The following NEB variants were observed in gnomAD, a reference collection of about 807,000 sequenced individuals.
NEB encodes the protein nebulin.
A neutral mutation model predicts 952.2 loss-of-function variants in NEB; 512 were observed. The ratio of observed to expected loss-of-function variants is 0.54; its 90% CI spans 0.50 to 0.58. The LOEUF (loss-of-function observed/expected upper bound fraction) is 0.58. Ranked by LOEUF, NEB falls within the 20% of genes least tolerant of loss-of-function variation. The pLI is 0.00. For synonymous variants in NEB, 2,900 were observed against 3,149.8 expected (o/e 0.92, Z 2.66); for missense variants, 8,428 against 9,231.1 (o/e 0.91, Z 3.56).
chr2:151,636,140 T>C, intron 64 of NEB, 87 bp downstream of exon 64: 2 of 1,123,730 alleles, frequency 1.8e-6, no homozygotes, highest in South Asian at 1.4e-5. Context: ...TTTTCAAAGG[T>C]CCAGGAAAAG....
At chr2:151,523,927 A>C (rs1252328271) in intron 153 of NEB, among the ~76,000 whole-genome samples, 2 of 152,224 alleles carry the variant, frequency 1.3e-5, no homozygotes, top group Non-Finnish European at 2.9e-5. Context: ...GGATTCTAGA[A>C]GTTAGAATTT....
chr2:151,727,447 T>G (rs188444022), intron 5 of NEB, among the ~76,000 whole-genome samples: 31 of 152,346 alleles, frequency 2.0e-4, no homozygotes, highest in African/African-American at 7.0e-4. Flanking sequence ...AAATGCTTTA[T>G]GATTGGCCTT....
rs2099156541 is a variant in NEB at position 151,662,165 on chromosome 2, C to A, written c.5940G>T (p.Leu1980Phe). 6.2e-7 allele frequency: 1 copy of A among 1,613,204 alleles called. No individual in the cohort carries two copies. The highest frequency in any genetic ancestry group is 8.5e-7 in the Non-Finnish European group (1 of 1,179,446). Reference sequence around the variant, plus strand: ...TCATAATTTTTGCATTATTCTGGGCCAAAACCATGTTCATCGAGTCCATGA... The same window carrying A: ...TCATAATTTTTGCATTATTCTGGGCAAAAACCATGTTCATCGAGTCCATGA... ...STLMDSMNMV[L>F]AQNNAKIMNE... Residue 1980 changes from leucine to phenylalanine, a missense_variant, in exon 46 of 182, where the codon TTG becomes TTT. Leu to Phe is a conservative substitution (Grantham distance 22). Transcript: ENST00000397345.
chr2:151,514,994 C>G, intron 157 of NEB, 66 bp from the exon 158 acceptor site: 1 of 1,006,502 alleles, frequency 9.9e-7, no homozygotes, highest in Non-Finnish European at 1.5e-6. Flanking sequence ...CTCTCCATCT[C>G]AGGAAGAAAA....
At chr2:151,702,514 G>A (rs1456355868) in intron 13 of NEB, among the ~76,000 whole-genome samples, 1 of 151,888 alleles carries the variant, frequency 6.6e-6, no homozygotes, top group African/African-American at 2.4e-5. Context: ...TCTCTTTGTA[G>A]GTCACTCAGG....
chr2:151,553,926 T>C lies in NEB; in HGVS notation c.19528A>G (p.Ser6510Gly). The C allele has an allele frequency of 6.2e-7, 1 of 1,613,926 alleles. No homozygotes were observed. Among genetic ancestry groups the C allele is most frequent in the Non-Finnish European group, 8.5e-7 (1 of 1,179,812 alleles). ...VTAKDSQKKVSEIDYRLRLHE... is the reference protein window; with the variant it reads ...VTAKDSQKKVGEIDYRLRLHE... ...AGGCGCAGGCGGTAATCAATCTCAC[T>C]GACTTTCTTCTGGGAATCCTTGGCA... The change falls in exon 126 of 182, where the codon AGT becomes GGT. Residue 6510 changes from serine (S) to glycine (G), a missense_variant. Around this residue, in one of 11 missense-constraint regions of NEB, gnomAD observed 3,374 missense variants for 3,651.5 expected, o/e 0.92. Transcript: ENST00000397345.
chr2:151,689,485 A>G (rs777008998), intron 24 of NEB: 4 of 152,322 alleles, frequency 2.6e-5, no homozygotes, highest in Non-Finnish European at 5.9e-5. Context: ...GATCACAGGC[A>G]TGAGCCACTG....
Position 151,537,869 on chromosome 2 carries a change from C to T in NEB, c.21102+3G>A. 3.8e-6 allele frequency: 6 copies of T among 1,579,304 alleles called. No individual in the cohort carries two copies. The highest frequency in any genetic ancestry group is 5.2e-6 in the Non-Finnish European group (6 of 1,160,282). On this transcript the variant is annotated splice_donor_region_variant and intron_variant, in intron 140 of 181. Coordinates refer to ENST00000397345, the MANE Select transcript of NEB (RefSeq NM_001164508.2). ...TGTGAAAATAGAAGATGTCAACACT[C>T]ACATCACTGACTGTGTCAGTGACTG...
At chr2:151,709,956 A>G (rs1281271750) in intron 11 of NEB, among the ~76,000 whole-genome samples, 193 bp from the exon 12 acceptor site, 1 of 152,236 alleles carries the variant, frequency 6.6e-6, no homozygotes, top group African/African-American at 2.4e-5. Flanking sequence ...TAGAACAATT[A>G]AAATAGGCTA....
chr2:151,505,525 G>T lies in NEB; in HGVS notation c.23695C>A (p.Leu7899Met), dbSNP rs1403586555. 6.2e-7 allele frequency: 1 copy of T among 1,613,798 alleles called. No homozygotes were observed. The highest frequency in any genetic ancestry group is 8.5e-7 in the Non-Finnish European group (1 of 1,179,730). Residue 7899 changes from leucine (L) to methionine (M), a missense_variant, in exon 165 of 182, where the codon CTG becomes ATG. Physicochemically the swap from Leu to Met is conservative, Grantham distance 15. This residue lies in a region of NEB where 3,374 missense variants were observed against 3,651.5 expected (regional missense o/e 0.92). Transcript: ENST00000397345. ...AIGQGTPIPD[L>M]PEVKRVKETQ... Reference sequence around the variant, plus strand: ...TCCTTCACACGTTTCACTTCAGGCAGGTCAGGGATTGGAGTTCCTTGTCCT... The same window carrying T: ...TCCTTCACACGTTTCACTTCAGGCATGTCAGGGATTGGAGTTCCTTGTCCT...
chr2:151,526,970 G>A lies in NEB; in HGVS notation c.21893C>T (p.Thr7298Ile). 1.2e-6 allele frequency: 2 copies of A among 1,604,714 alleles called. No individual in the cohort carries two copies. Among genetic ancestry groups the A allele is most frequent in the South Asian group, 1.1e-5 (1 of 89,108 alleles). The change falls in exon 148 of 182, where the codon ACT becomes ATT. Residue 7298 changes from threonine to isoleucine, a missense_variant. Physicochemically the swap from Thr to Ile is moderately conservative, Grantham distance 89. Coordinates refer to ENST00000397345, the MANE Select transcript of NEB (RefSeq NM_001164508.2). ...GGCGAGCACCGTGTTTTTGTCATCA[G>A]TGACAGAAAGCTTGCAACCCTTGAG... ...EFLKGCKLSVTDDKNTVLALR... is the reference protein window; with the variant it reads ...EFLKGCKLSVIDDKNTVLALR...
intron 67 of NEB, 25 bp from the exon 68 acceptor site, chr2:151,629,671 A>C: frequency 6.3e-7 from 1 of 1,583,724 alleles, no homozygotes; most frequent in Non-Finnish European, 8.7e-7. Context: ...GCAAAGAGTT[A>C]AAGCAAAAGG....
intron 10 of NEB, among the ~76,000 whole-genome samples, chr2:151,714,186 G>A (rs147200342): frequency 4.7e-4 from 72 of 152,052 alleles, no homozygotes; most frequent in African/African-American, 1.6e-3. Context: ...TCTAAGGTCC[G>A]GACCTACCAA....
chr2:151,655,326 T>A lies in NEB; in HGVS notation c.6751A>T (p.Met2251Leu). 6.2e-7 allele frequency: 1 copy of A among 1,602,754 alleles called. No individual in the cohort carries two copies. The highest frequency in any genetic ancestry group is 8.5e-7 in the Non-Finnish European group (1 of 1,172,274). The change falls in exon 51 of 182, where the codon ATG becomes TTG. Residue 2251 changes from methionine to leucine, a missense_variant. Met to Leu is a conservative substitution (Grantham distance 15, BLOSUM62 2). This residue lies in a region of NEB where 2,851 missense variants were observed against 2,791.5 expected (regional missense o/e 1.02). Coordinates refer to ENST00000397345, the MANE Select transcript of NEB (RefSeq NM_001164508.2). Reference sequence around the variant, plus strand: ...TGTAAAATATCTGGTGTATCAGGCATCACATGAATCTTGGTCTTATCTTTA... The same window carrying A: ...TGTAAAATATCTGGTGTATCAGGCAACACATGAATCTTGGTCTTATCTTTA... ...WNKDKTKIHV[M>L]PDTPDILQAK...
chr2:151,493,873 A>T lies in NEB; in HGVS notation c.24580-6T>A. 1 of 1,517,066 alleles carries T rather than the reference A, an allele frequency of 6.6e-7. No homozygotes were observed. The highest frequency in any genetic ancestry group is 8.9e-7 in the Non-Finnish European group (1 of 1,123,026). The allele number at this position is 1,517,066 out of a possible 1,614,324, so 94.0% of individuals were successfully genotyped here. On this transcript the variant is annotated splice_polypyrimidine_tract_variant and splice_region_variant and intron_variant, in intron 174 of 181. Transcript: ENST00000397345. The stretch of plus-strand genomic sequence containing the variant: ...AGGTTCTCTTTGTATAACACCTGTG[A>T]GATACAAAGTCATGCCCGAAAGTCA...
At chr2:151,513,957 T>G (rs886716398) in intron 159 of NEB, among the ~76,000 whole-genome samples, 1 of 152,198 alleles carries the variant, frequency 6.6e-6, no homozygotes, top group African/African-American at 2.4e-5. Flanking sequence ...CTTAGAAGAT[T>G]AGAGTATAAA....
chr2:151,687,303 T>C (rs2099510236), intron 27 of NEB, 116 bp downstream of exon 27: 2 of 857,606 alleles, frequency 2.3e-6, no homozygotes, highest in African/African-American at 1.7e-5. Context: ...GCAGTACTTT[T>C]GTGAATGTGA....
Position 151,617,474 on chromosome 2 carries a change from A to C in NEB, c.11077-6T>G. ...CAGGCTTCAGTATATAAGCGCTACA[A>C]AAAAAAAAAAAAAAGAGAGAGAGAG... is the stretch of plus-strand genomic sequence containing the variant. On this transcript the variant is annotated splice_polypyrimidine_tract_variant and splice_region_variant and intron_variant, in intron 74 of 181. Transcript: ENST00000397345. The C allele has an allele frequency of 4.1e-6, 3 of 723,254 alleles. No homozygotes were observed. Among genetic ancestry groups the C allele is most frequent in the South Asian group, 2.5e-5 (1 of 40,092 alleles). 44.8% of individuals were successfully genotyped at this position (723,254 alleles called of 1,614,324 possible).
intron 136 of NEB, among the ~76,000 whole-genome samples, chr2:151,541,069 CA>C (rs1337766287): frequency 6.6e-6 from 1 of 152,152 alleles, no homozygotes; most frequent in South Asian, 2.1e-4. Flanking sequence ...AGAATGCTAA[CA>C]GAAGTATGAG....
Sources: gnomAD v4.1 joint callset for allele counts (sites outside exome capture counted in the v4.1 genomes callset) on GRCh38, gnomAD v4.1.1 for gene constraint, gnomAD v4.1.1 regional missense constraint, MANE v1.5 for transcripts, NCBI Gene and HGNC (gene_info 2026-07-23, HGNC 2026-07-21) for gene names.